Variants in GALNT13 observed in about 807,000 individuals in gnomAD.
GALNT13 encodes polypeptide N-acetylgalactosaminyltransferase 13, also known as UDP-GalNAc:polypeptide N-acetylgalactosaminyltransferase 13.
In GALNT13, 28 loss-of-function variants were observed where a neutral mutation model predicts 64.2. The ratio of observed to expected loss-of-function variants is 0.44; its 90% CI spans 0.32 to 0.60. The LOEUF (loss-of-function observed/expected upper bound fraction) is 0.60. GALNT13 is among the 20% of genes least tolerant of loss of function. GALNT13 has a pLI of 0.05. For missense variants in GALNT13, 577 were observed against 669.8 expected (o/e 0.86, Z 1.53); for synonymous variants, 214 against 224.6 (o/e 0.95, Z 0.42).
At chr2:153,876,712 A>G (rs1686407077) in intron 1 of GALNT13, among the ~76,000 whole-genome samples, 1 of 152,162 alleles carries the variant, frequency 6.6e-6, no homozygotes, top group Admixed American at 6.5e-5. Context: ...GATTCTGATT[A>G]CTGTGTGCTC....
intron 9 of GALNT13, among the ~76,000 whole-genome samples, chr2:154,375,571 G>A (rs1014394987): frequency 1.3e-5 from 2 of 152,036 alleles, no homozygotes; most frequent in East Asian, 3.9e-4. Context: ...CAAGAACGTG[G>A]ACACTAATGC....
chr2:153,540,063 A>T, the GALNT13 span, among the ~76,000 whole-genome samples: 1 of 152,242 alleles, frequency 6.6e-6, no homozygotes, highest in Admixed American at 6.5e-5. Flanking sequence ...TCTCCAGGAT[A>T]TGTCAGGGAC....
chr2:154,449,694 C>T lies in GALNT13; in HGVS notation c.1531-717C>T, dbSNP rs922257221. 9.9e-5 allele frequency among the ~76,000 whole-genome samples: 15 copies of T among 151,410 alleles called. No homozygotes were observed. The East Asian group carries it at 2.3e-3, about 24-fold the overall frequency. ...GTCCAAAAATGTGATTTCCAATGTA[C>T]GTAAAAATGCCAAAGAGAAGATATA... On this transcript the variant is annotated intron_variant, in intron 12 of 12. Coordinates refer to ENST00000392825, the MANE Select transcript of GALNT13 (RefSeq NM_052917.4).
chr2:153,557,696 T>A, the GALNT13 span, among the ~76,000 whole-genome samples: 1 of 152,212 alleles, frequency 6.6e-6, no homozygotes, highest in South Asian at 2.1e-4. Context: ...ATCCTTCAAT[T>A]GGCTGTCAAT....
the GALNT13 span, among the ~76,000 whole-genome samples, chr2:153,340,029 G>C: frequency 6.6e-6 from 1 of 152,098 alleles, no homozygotes; most frequent in Non-Finnish European, 1.5e-5. Flanking sequence ...GAAAGAGGAT[G>C]TATGGTGTCT....
At chr2:154,329,968 C>T (rs537905822) in intron 9 of GALNT13, among the ~76,000 whole-genome samples, 2 of 152,158 alleles carry the variant, frequency 1.3e-5, no homozygotes, top group East Asian at 3.9e-4. Flanking sequence ...CCAAGTAAAC[C>T]TCTTTTCTTT....
intron 2 of GALNT13, among the ~76,000 whole-genome samples, chr2:153,903,343 G>A (rs575611871): frequency 6.6e-6 from 1 of 152,124 alleles, no homozygotes; most frequent in African/African-American, 2.4e-5. Flanking sequence ...AGGGAAAAAC[G>A]TAACACTCAG....
At chr2:153,657,951 T>C in the GALNT13 span, among the ~76,000 whole-genome samples, 1 of 152,088 alleles carries the variant, frequency 6.6e-6, no homozygotes, top group Non-Finnish European at 1.5e-5. Flanking sequence ...GATCTATTAA[T>C]ATACCTAAGT....
At chr2:154,393,279 C>T (rs1698881120) in intron 9 of GALNT13, among the ~76,000 whole-genome samples, 1 of 152,202 alleles carries the variant, frequency 6.6e-6, no homozygotes, top group African/African-American at 2.4e-5. Context: ...GTCTCTCCAT[C>T]TTGTAGCTGC....
chr2:153,358,334 C>T, the GALNT13 span, among the ~76,000 whole-genome samples: 2 of 152,114 alleles, frequency 1.3e-5, no homozygotes, highest in African/African-American at 4.8e-5. Context: ...TGCCTAAGGA[C>T]GTCACTAGCA....
Position 153,901,414 on chromosome 2 carries a change from T to A in GALNT13, c.-105+407T>A, listed in dbSNP as rs185503624. On this transcript the variant is annotated intron_variant, in intron 2 of 12. Transcript: ENST00000392825. ...TTGAATCTGTAAATTGCTTTGGACG[T>A]CATGACCATTTTATCAATCTTGATT... Among the ~76,000 whole-genome samples, 446 of 152,314 alleles carry A rather than the reference T, an allele frequency of 2.9e-3. 2 individuals carry two copies. Among genetic ancestry groups the A allele is most frequent in the African/African-American group, 0.01 (433 of 41,570 alleles).
intron 3 of GALNT13, among the ~76,000 whole-genome samples, chr2:154,132,949 G>A (rs1682710925): frequency 6.6e-6 from 1 of 151,620 alleles, no homozygotes; most frequent in East Asian, 1.9e-4. Flanking sequence ...ATCTATATAT[G>A]TTTTAGAATA....
chr2:154,197,731 T>TA (rs11356034), intron 4 of GALNT13, among the ~76,000 whole-genome samples: 21 of 149,816 alleles, frequency 1.4e-4, no homozygotes, highest in African/African-American at 2.9e-4. Flanking sequence ...AGCATCCAGT[T>TA]AAAAAAAAAA....
the GALNT13 span, among the ~76,000 whole-genome samples, chr2:153,260,021 T>C: frequency 6.6e-6 from 1 of 152,162 alleles, no homozygotes; most frequent in Non-Finnish European, 1.5e-5. Flanking sequence ...AAATAACATA[T>C]TCCTTCATTT....
chr2:153,693,358 G>A, the GALNT13 span, among the ~76,000 whole-genome samples: 607 of 152,264 alleles, frequency 4.0e-3, 2 homozygotes, highest in African/African-American at 0.014. Flanking sequence ...TAGGAGATAT[G>A]AGAAGTCTAT....
the GALNT13 span, among the ~76,000 whole-genome samples, chr2:153,561,071 A>G: frequency 6.6e-6 from 1 of 151,978 alleles, no homozygotes; most frequent in African/African-American, 2.4e-5. Flanking sequence ...TTGTAAATAA[A>G]ACCTTCCCTT....
the GALNT13 span, among the ~76,000 whole-genome samples, chr2:153,316,368 C>T: frequency 2.0e-5 from 3 of 152,038 alleles, no homozygotes; most frequent in Admixed American, 1.3e-4. Context: ...ACAGGCCTGG[C>T]ATGGTGGCTC....
chr2:153,661,202 GT>G, the GALNT13 span, among the ~76,000 whole-genome samples: 1 of 152,012 alleles, frequency 6.6e-6, no homozygotes, highest in Non-Finnish European at 1.5e-5. Flanking sequence ...AAAATACTAA[GT>G]TTATACTAGA....
chr2:153,075,314 T>G, the GALNT13 span, among the ~76,000 whole-genome samples: 1 of 152,142 alleles, frequency 6.6e-6, no homozygotes, highest in Non-Finnish European at 1.5e-5. Context: ...AGTTAGAAGT[T>G]TTTTAAAAAG....
Sources: gnomAD v4.1 joint callset for allele counts (sites outside exome capture counted in the v4.1 genomes callset) on GRCh38, gnomAD v4.1.1 for gene constraint, MANE v1.5 for transcripts, NCBI Gene and HGNC (gene_info 2026-07-23, HGNC 2026-07-21) for gene names.